CCDC178: variants seen among roughly 807,000 people sequenced by gnomAD.
CCDC178 encodes coiled-coil domain-containing protein 178.
CCDC178 carries 126 observed loss-of-function variants against 117.4 expected under a neutral mutation model. The observed-to-expected ratio is 1.07, with a 90% CI of 0.93 to 1.24. The LOEUF is 1.24. Ranked by LOEUF, CCDC178 falls within the 50% of genes most tolerant of loss-of-function variation. CCDC178 has a pLI of 0.00. For synonymous variants in CCDC178, 283 were observed against 313.4 expected, an observed-to-expected ratio of 0.90 and a Z score of 1.02; for missense variants, 1,030 against 986.9, an observed-to-expected ratio of 1.04 and a Z score of -0.59.
chr18:33,332,571 C>CTTGTT (rs763027537), intron 10 of CCDC178, among the ~76,000 whole-genome samples: 73 of 151,754 alleles, frequency 4.8e-4, no homozygotes, highest in Non-Finnish European at 6.3e-4. Flanking sequence ...TTCTGAAGTT[C>CTTGTT]TTGTTTTGTT....
intron 21 of CCDC178, among the ~76,000 whole-genome samples, chr18:33,006,785 A>C (rs73415440): frequency 0.1 from 15,788 of 152,096 alleles, 1,129 homozygotes; most frequent in African/African-American, 0.2. Flanking sequence ...AGGCCCTTTG[A>C]AAGGGATATT....
chr18:33,147,356 ATT>A (rs575608507), intron 20 of CCDC178, among the ~76,000 whole-genome samples: 4 of 94,616 alleles, frequency 4.2e-5, no homozygotes, highest in Non-Finnish European at 8.4e-5. Context: ...TGCCTTTTTA[ATT>A]TTTTTTTTTT....
At chr18:33,343,878 A>G (rs916216518) in intron 9 of CCDC178, among the ~76,000 whole-genome samples, 1 of 152,180 alleles carries the variant, frequency 6.6e-6, no homozygotes, top group African/African-American at 2.4e-5. Flanking sequence ...GACTATAAAA[A>G]TATATGTCTC....
chr18:33,152,270 G>C (rs1388575305), intron 20 of CCDC178, among the ~76,000 whole-genome samples: 1 of 152,042 alleles, frequency 6.6e-6, no homozygotes, highest in East Asian at 1.9e-4. Flanking sequence ...TCTACACCCA[G>C]GGCATTATCA....
chr18:33,101,325 T>C (rs1199467855), intron 20 of CCDC178, among the ~76,000 whole-genome samples: 2 of 151,634 alleles, frequency 1.3e-5, no homozygotes, highest in Admixed American at 6.6e-5. Flanking sequence ...CACGGCATCA[T>C]GTGAAAGGCT....
intron 21 of CCDC178, among the ~76,000 whole-genome samples, chr18:33,068,899 A>T (rs1201812810): frequency 6.6e-6 from 1 of 152,204 alleles, no homozygotes; most frequent in Non-Finnish European, 1.5e-5. Flanking sequence ...TGCAGATGAC[A>T]TGATCCTATA....
At chr18:33,189,067 C>G (rs2058828335) in intron 20 of CCDC178, among the ~76,000 whole-genome samples, 1 of 152,066 alleles carries the variant, frequency 6.6e-6, no homozygotes, top group African/African-American at 2.4e-5. Flanking sequence ...AGAAATTGAG[C>G]CACTACTACT....
At chr18:33,084,923 C>T (rs941041121) in intron 21 of CCDC178, among the ~76,000 whole-genome samples, 3 of 152,092 alleles carry the variant, frequency 2.0e-5, no homozygotes, top group Admixed American at 6.6e-5. Flanking sequence ...GATTTTCTAC[C>T]GTATCATCCT....
chr18:32,973,315 C>T (rs1336979523), intron 22 of CCDC178, among the ~76,000 whole-genome samples: 1 of 151,968 alleles, frequency 6.6e-6, no homozygotes, highest in Non-Finnish European at 1.5e-5. Context: ...TTAGAACATG[C>T]AGATTACTTT....
At chr18:33,098,732 CT>C (rs1403640109) in intron 20 of CCDC178, among the ~76,000 whole-genome samples, 1 of 151,996 alleles carries the variant, frequency 6.6e-6, no homozygotes, top group Non-Finnish European at 1.5e-5. Context: ...CACATCTAGC[CT>C]TTTCTTCATT....
At chr18:33,313,393 C>T (rs2062369203) in intron 11 of CCDC178, among the ~76,000 whole-genome samples, 1 of 152,166 alleles carries the variant, frequency 6.6e-6, no homozygotes, top group African/African-American at 2.4e-5. Flanking sequence ...TTCCAAATGC[C>T]ACTTTTGCCT....
At chr18:33,079,122 G>T (rs937607906) in intron 21 of CCDC178, among the ~76,000 whole-genome samples, 1 of 151,970 alleles carries the variant, frequency 6.6e-6, no homozygotes, top group East Asian at 1.9e-4. Context: ...AAATAAGGCT[G>T]CATATCAACA....
At chr18:33,109,348 C>G (rs1225939268) in intron 20 of CCDC178, among the ~76,000 whole-genome samples, 3 of 151,562 alleles carry the variant, frequency 2.0e-5, no homozygotes, top group African/African-American at 7.3e-5. Context: ...TTATTGTACT[C>G]TTTCAAATCC....
intron 5 of CCDC178, among the ~76,000 whole-genome samples, chr18:33,371,348 AAAGCT>A (rs1157425670): frequency 6.6e-6 from 1 of 151,944 alleles, no homozygotes; most frequent in Non-Finnish European, 1.5e-5. Flanking sequence ...TGCCAGACAT[AAAGCT>A]AAGCTAAAAA....
chr18:33,172,890 T>C (rs1190266150), intron 20 of CCDC178, among the ~76,000 whole-genome samples: 5 of 152,126 alleles, frequency 3.3e-5, no homozygotes, highest in Non-Finnish European at 5.9e-5. Context: ...GTAAGAAAAA[T>C]CCATGATTTT....
intron 21 of CCDC178, among the ~76,000 whole-genome samples, chr18:32,992,781 T>C (rs1458687618): frequency 6.6e-6 from 1 of 152,194 alleles, no homozygotes; most frequent in Non-Finnish European, 1.5e-5. Context: ...ACCCCATAAA[T>C]ATATACAGTT....
intron 9 of CCDC178, among the ~76,000 whole-genome samples, chr18:33,340,733 G>T (rs2062806157): frequency 6.6e-6 from 1 of 152,214 alleles, no homozygotes; most frequent in Non-Finnish European, 1.5e-5. Flanking sequence ...GCTTCCACAT[G>T]GTGTTGAGCC....
intron 8 of CCDC178, among the ~76,000 whole-genome samples, chr18:33,346,694 CAT>C (rs1354462272): frequency 2.6e-5 from 4 of 152,054 alleles, no homozygotes; most frequent in African/African-American, 4.8e-5. Flanking sequence ...GGAAAAAACA[CAT>C]GTGCTATTTA....
chr18:32,950,103 T>A (rs1271912735), intron 22 of CCDC178, among the ~76,000 whole-genome samples: 1 of 152,180 alleles, frequency 6.6e-6, no homozygotes, highest in East Asian at 1.9e-4. Flanking sequence ...ACTCTTTTCA[T>A]GAGTAGAAAA....
Sources: allele counts gnomAD v4.1 joint callset (sites outside exome capture counted in the v4.1 genomes callset), GRCh38; gene constraint gnomAD v4.1.1; transcripts MANE v1.5; gene names NCBI Gene and HGNC (gene_info 2026-07-23, HGNC 2026-07-21).